KIAA1328: variants seen among roughly 807,000 people sequenced by gnomAD.
The protein encoded by KIAA1328 is protein hinderin.
Under a neutral mutation model 68.1 loss-of-function variants are expected in KIAA1328, and 52 were observed. The ratio of observed to expected loss-of-function variants is 0.76; its 90% CI spans 0.61 to 0.96. KIAA1328 has a LOEUF of 0.96. KIAA1328 is among the 40% of genes least tolerant of loss of function. KIAA1328 has a pLI of 0.00. For missense variants in KIAA1328, 641 were observed against 677.6 expected, an observed-to-expected ratio of 0.95 and a Z score of 0.60; for synonymous variants, 232 against 239.4, an observed-to-expected ratio of 0.97 and a Z score of 0.28.
intron 4 of KIAA1328, among the ~76,000 whole-genome samples, chr18:36,846,563 T>C (rs964007983): frequency 6.6e-6 from 1 of 151,558 alleles, no homozygotes; most frequent in African/African-American, 2.4e-5. Flanking sequence ...TTCCTATTCA[T>C]GATATACAGC....
At chr18:37,069,246 G>A (rs1019426621) in intron 7 of KIAA1328, among the ~76,000 whole-genome samples, 35 of 150,776 alleles carry the variant, frequency 2.3e-4, no homozygotes, top group African/African-American at 5.6e-4. Flanking sequence ...ATTTTGTTGA[G>A]GATATTTGCA....
intron 7 of KIAA1328, among the ~76,000 whole-genome samples, chr18:37,098,604 G>A (rs185169682): frequency 2.0e-5 from 3 of 152,266 alleles, no homozygotes; most frequent in African/African-American, 2.4e-5. Context: ...GAGTTAGGTA[G>A]GATTCCCTAT....
intron 4 of KIAA1328, among the ~76,000 whole-genome samples, chr18:36,848,042 A>C (rs2047085787): frequency 6.6e-6 from 1 of 151,658 alleles, no homozygotes; most frequent in Non-Finnish European, 1.5e-5. Context: ...TTTGAAAATT[A>C]TTTTGACTCT....
At chr18:37,088,431 C>T (rs1383710056) in intron 7 of KIAA1328, among the ~76,000 whole-genome samples, 2 of 152,084 alleles carry the variant, frequency 1.3e-5, no homozygotes, top group African/African-American at 2.4e-5. Flanking sequence ...TTTGCAGTCA[C>T]TCTGTATTCA....
rs537328006 is a variant in KIAA1328, at chr18:37,163,203, C to T, written c.1414+2822C>T. On this transcript the variant is annotated intron_variant, in intron 8 of 9. Transcript: ENST00000280020. ...CATCGATATTCCCTTTTATGAGAGCCCTCAAAACTGAGGGCATTTTTTTCT... is the reference window on the plus strand; with the variant it reads ...CATCGATATTCCCTTTTATGAGAGCTCTCAAAACTGAGGGCATTTTTTTCT... 2.6e-5 allele frequency among the ~76,000 whole-genome samples: 4 copies of T among 152,298 alleles called. No individual in the cohort carries two copies. In the South Asian group the frequency reaches 8.3e-4, roughly 32 times the overall value.
At chr18:36,873,880 C>G (rs1007231979) in intron 4 of KIAA1328, among the ~76,000 whole-genome samples, 4 of 152,132 alleles carry the variant, frequency 2.6e-5, no homozygotes, top group Non-Finnish European at 5.9e-5. Context: ...ATGTTCCCCT[C>G]CCTGTGCCCA....
At chr18:36,910,999 G>A (rs1047145609) in intron 5 of KIAA1328, among the ~76,000 whole-genome samples, 1 of 151,980 alleles carries the variant, frequency 6.6e-6, no homozygotes, top group African/African-American at 2.4e-5. Flanking sequence ...AGCTCCCCTT[G>A]TACCTCCTTT....
At chr18:36,999,595 CAA>C (rs1414574436) in intron 6 of KIAA1328, among the ~76,000 whole-genome samples, 1 of 152,108 alleles carries the variant, frequency 6.6e-6, no homozygotes, top group African/African-American at 2.4e-5. Flanking sequence ...CTTACAAGCT[CAA>C]AGAGAATGGG....
At chr18:37,114,756 G>A (rs762301681) in intron 7 of KIAA1328, among the ~76,000 whole-genome samples, 1 of 152,034 alleles carries the variant, frequency 6.6e-6, no homozygotes, top group Non-Finnish European at 1.5e-5. Flanking sequence ...AAACAAAATT[G>A]ATAGACCACT....
intron 5 of KIAA1328, among the ~76,000 whole-genome samples, chr18:36,917,646 A>G (rs1258788164): frequency 3.3e-5 from 5 of 152,164 alleles, no homozygotes; most frequent in Non-Finnish European, 7.4e-5. Flanking sequence ...CTGCCTGGAG[A>G]CTTCTCTGTG....
At chr18:36,893,235 A>G (rs2048748550) in intron 5 of KIAA1328, among the ~76,000 whole-genome samples, 1 of 151,964 alleles carries the variant, frequency 6.6e-6, no homozygotes, top group African/African-American at 2.4e-5. Flanking sequence ...GTATGTATGA[A>G]CTTACTTTCT....
At chr18:37,040,679 T>G (rs1265355897) in intron 6 of KIAA1328, among the ~76,000 whole-genome samples, 1 of 151,810 alleles carries the variant, frequency 6.6e-6, no homozygotes, top group Admixed American at 6.6e-5. Flanking sequence ...TTTCCTTTTC[T>G]GATATAGATG....
Position 37,222,265 on chromosome 18 carries a change from C to G in KIAA1328, c.*38C>G. 1 of 1,549,630 alleles carries G rather than the reference C, an allele frequency of 6.5e-7. No homozygotes were observed. The highest frequency in any genetic ancestry group is 8.7e-7 in the Non-Finnish European group (1 of 1,146,512). ...TTTTCTTAGGAAATTTGTGGGTTTC[C>G]TCACATACTGATCTAGGATTTTAAA... is the stretch of plus-strand genomic sequence containing the variant. On this transcript the variant is annotated 3_prime_UTR_variant, in exon 10 of 10. Transcript: ENST00000280020.
chr18:37,089,511 A>T (rs192132707), intron 7 of KIAA1328, among the ~76,000 whole-genome samples: 1 of 151,290 alleles, frequency 6.6e-6, no homozygotes, highest in African/African-American at 2.4e-5. Flanking sequence ...AGTAGCTGGG[A>T]CTACAGGTGC....
At chr18:36,993,261 T>A (rs2053262095) in intron 6 of KIAA1328, among the ~76,000 whole-genome samples, 1 of 152,242 alleles carries the variant, frequency 6.6e-6, no homozygotes, top group Admixed American at 6.5e-5. Context: ...AGAACATTCT[T>A]TCAAGTATCT....
At chr18:37,018,068 A>C (rs374048695) in intron 6 of KIAA1328, among the ~76,000 whole-genome samples, 1 of 152,044 alleles carries the variant, frequency 6.6e-6, no homozygotes, top group African/African-American at 2.4e-5. Context: ...TGGGTTATGT[A>C]CTTAGGTGTG....
intron 6 of KIAA1328, among the ~76,000 whole-genome samples, chr18:37,036,231 A>G (rs1439123495): frequency 6.6e-6 from 1 of 152,220 alleles, no homozygotes; most frequent in Non-Finnish European, 1.5e-5. Flanking sequence ...GAGCATTGAA[A>G]GGTAACGTTG....
chr18:37,189,043 A>G (rs2586781), intron 9 of KIAA1328, among the ~76,000 whole-genome samples: 42,073 of 152,074 alleles, frequency 0.28, 9,362 homozygotes, highest in African/African-American at 0.62. Context: ...AAAAGCTGCT[A>G]TTAAAGGAGG....
chr18:36,942,714 C>T (rs2050759632), intron 5 of KIAA1328, among the ~76,000 whole-genome samples: 1 of 152,026 alleles, frequency 6.6e-6, no homozygotes, highest in Non-Finnish European at 1.5e-5. Flanking sequence ...CCCACTAGAC[C>T]TTGCATTTCA....
Sources: gnomAD v4.1 joint callset for allele counts (sites outside exome capture counted in the v4.1 genomes callset) on GRCh38, gnomAD v4.1.1 for gene constraint, MANE v1.5 for transcripts, NCBI Gene and HGNC (gene_info 2026-07-23, HGNC 2026-07-21) for gene names.